CACNA2D3: variants seen among roughly 807,000 people sequenced by gnomAD.
The protein encoded by CACNA2D3 is voltage-dependent calcium channel subunit alpha-2/delta-3.
In CACNA2D3, 60 loss-of-function variants were observed where a neutral mutation model predicts 160.6. The ratio of observed to expected loss-of-function variants is 0.37; its 90% CI spans 0.30 to 0.46. The LOEUF (loss-of-function observed/expected upper bound fraction) is 0.46, where lower values mean the gene tolerates loss of function less well. CACNA2D3 is among the 20% of genes least tolerant of loss of function. The pLI, the probability that CACNA2D3 is intolerant of heterozygous loss-of-function variation, is 1.00. For synonymous variants in CACNA2D3, 558 were observed against 492.9 expected (o/e 1.13, Z -1.75); for missense variants, 1,205 against 1,365.0 (o/e 0.88, Z 1.85).
At chr3:54,871,259 A>C (rs1193285111) in intron 17 of CACNA2D3, among the ~76,000 whole-genome samples, 1 of 151,772 alleles carries the variant, frequency 6.6e-6, no homozygotes, top group African/African-American at 2.4e-5. Flanking sequence ...TTTCCTTTGC[A>C]TCTGGTGTTT....
At chr3:54,772,080 A>G (rs1702332068) in intron 13 of CACNA2D3, among the ~76,000 whole-genome samples, 1 of 151,460 alleles carries the variant, frequency 6.6e-6, no homozygotes, top group African/African-American at 2.4e-5. Context: ...TAGGAATCAG[A>G]AGATCTGTGA....
intron 11 of CACNA2D3, among the ~76,000 whole-genome samples, chr3:54,711,178 C>T (rs1700945503): frequency 6.6e-6 from 1 of 152,128 alleles, no homozygotes; most frequent in Non-Finnish European, 1.5e-5. Flanking sequence ...AGCTTTCTCT[C>T]GCATAAAAAA....
chr3:54,232,814 C>T (rs569516549), intron 2 of CACNA2D3, among the ~76,000 whole-genome samples: 2 of 152,274 alleles, frequency 1.3e-5, no homozygotes, highest in Admixed American at 1.3e-4. Flanking sequence ...AGTAGAAAGC[C>T]ATATTGTAAA....
intron 2 of CACNA2D3, among the ~76,000 whole-genome samples, chr3:54,140,210 G>A (rs7623444): frequency 0.52 from 78,750 of 152,046 alleles, 21,114 homozygotes; most frequent in East Asian, 0.76. Flanking sequence ...CTGGCATGCC[G>A]TCATTCCTGG....
rs1559595581 is a variant in CACNA2D3 at position 54,822,785 on chromosome 3, TC to T, written c.1398+5916del. Among the ~76,000 whole-genome samples the T allele has an allele frequency of 2.2e-3, 175 of 78,670 alleles. 3 individuals carry two copies. Among genetic ancestry groups the T allele is most frequent in the African/African-American group, 4.2e-3 (79 of 19,028 alleles). The allele number at this position is 78,670 out of a possible 152,430, so 51.6% of individuals were successfully genotyped here. On this transcript the variant is annotated intron_variant, in intron 14 of 37. Transcript: ENST00000474759. ...TTCTTTCTTTCTTTCTTTCTTTCTT[TC>T]TTTCCTTTCTTTCTTTCTTTCTTTC...
intron 29 of CACNA2D3, among the ~76,000 whole-genome samples, chr3:54,974,000 C>T (rs892503975): frequency 6.6e-6 from 1 of 152,072 alleles, no homozygotes. Context: ...CCTCTCTCCC[C>T]ACAAATGAAG....
At chr3:54,838,982 GC>G (rs1698755106) in intron 16 of CACNA2D3, among the ~76,000 whole-genome samples, 2 of 152,200 alleles carry the variant, frequency 1.3e-5, no homozygotes, top group Admixed American at 1.3e-4. Context: ...TCCAGGCCGG[GC>G]GTGGAGACTC....
chr3:54,947,349 A>C (rs909572287), intron 27 of CACNA2D3, among the ~76,000 whole-genome samples: 7 of 152,198 alleles, frequency 4.6e-5, no homozygotes, highest in African/African-American at 1.7e-4. Context: ...CAAACCTAAG[A>C]GACAGAAAAC....
chr3:54,900,035 ACT>A (rs2106888531), intron 27 of CACNA2D3, among the ~76,000 whole-genome samples, 167 bp downstream of exon 27: 1 of 152,254 alleles, frequency 6.6e-6, no homozygotes, highest in Admixed American at 6.5e-5. Context: ...TCAAACCAAG[ACT>A]CTGACAGCTG....
intron 3 of CACNA2D3, among the ~76,000 whole-genome samples, chr3:54,373,958 C>T (rs1698966928): frequency 6.6e-6 from 1 of 152,172 alleles, no homozygotes; most frequent in South Asian, 2.1e-4. Context: ...GCACTTTGGC[C>T]CCTGCTCCTT....
At chr3:54,289,977 C>T (rs1312019021) in intron 2 of CACNA2D3, among the ~76,000 whole-genome samples, 2 of 151,242 alleles carry the variant, frequency 1.3e-5, no homozygotes, top group Non-Finnish European at 2.9e-5. Context: ...GTAGGCATTA[C>T]CATTCAGGAC....
intron 35 of CACNA2D3, among the ~76,000 whole-genome samples, chr3:55,036,962 C>T (rs533382168): frequency 2.0e-4 from 30 of 152,152 alleles, no homozygotes; most frequent in African/African-American, 7.2e-4. Flanking sequence ...CACCTGATTC[C>T]CAGTGGCCAG....
chr3:54,804,087 G>A (rs1284675136), intron 13 of CACNA2D3, among the ~76,000 whole-genome samples: 2 of 152,044 alleles, frequency 1.3e-5, no homozygotes, highest in African/African-American at 4.8e-5. Context: ...ACTGGTACCA[G>A]CCACTGCAAA....
chr3:55,030,193 C>G (rs1703659413), intron 35 of CACNA2D3, among the ~76,000 whole-genome samples: 1 of 152,166 alleles, frequency 6.6e-6, no homozygotes, highest in Non-Finnish European at 1.5e-5. Flanking sequence ...CATACCCAAG[C>G]AGCAGTAGAG....
At chr3:54,796,971 C>T (rs1290913579) in intron 13 of CACNA2D3, among the ~76,000 whole-genome samples, 1 of 152,180 alleles carries the variant, frequency 6.6e-6, no homozygotes, top group African/African-American at 2.4e-5. Flanking sequence ...GGAGATGCTT[C>T]TCCAGAGCTG....
At chr3:54,281,431 C>G (rs995105226) in intron 2 of CACNA2D3, among the ~76,000 whole-genome samples, 1 of 152,118 alleles carries the variant, frequency 6.6e-6, no homozygotes, top group African/African-American at 2.4e-5. Context: ...GGTGAACCCT[C>G]CCGGTGGCAG....
intron 27 of CACNA2D3, among the ~76,000 whole-genome samples, chr3:54,918,008 C>G (rs995818111): frequency 2.0e-5 from 3 of 152,168 alleles, no homozygotes; most frequent in Admixed American, 6.5e-5. Flanking sequence ...GCATTCAATG[C>G]CCATCGGGTA....
chr3:54,995,218 A>G (rs60210558), intron 31 of CACNA2D3, among the ~76,000 whole-genome samples: 1,931 of 152,130 alleles, frequency 0.013, 40 homozygotes, highest in African/African-American at 0.045. Context: ...AGGTGATCCA[A>G]CTGCCTCAGC....
At chr3:54,740,310 C>G (rs1215466952) in intron 11 of CACNA2D3, among the ~76,000 whole-genome samples, 1 of 152,120 alleles carries the variant, frequency 6.6e-6, no homozygotes, top group Non-Finnish European at 1.5e-5. Context: ...AATAAACTTT[C>G]TCTGGGGCTT....
Sources: allele counts gnomAD v4.1 joint callset (sites outside exome capture counted in the v4.1 genomes callset), GRCh38; gene constraint gnomAD v4.1.1; transcripts MANE v1.5; gene names NCBI Gene and HGNC (gene_info 2026-07-23, HGNC 2026-07-21).